The following ATF7IP2 variants were observed in gnomAD, a reference collection of about 807,000 sequenced individuals.
ATF7IP2 encodes activating transcription factor 7-interacting protein 2.
Under a neutral mutation model 64.2 loss-of-function variants are expected in ATF7IP2, and 42 were observed. The observed-to-expected ratio is 0.65, with a 90% CI of 0.51 to 0.85. The LOEUF (loss-of-function observed/expected upper bound fraction) is 0.85, where lower values mean the gene tolerates loss of function less well. Among genes scored for constraint, ATF7IP2 ranks in the 40% least tolerant of loss-of-function variants. The probability of loss-of-function intolerance (pLI) is 0.00; values close to 1 mark genes in which losing one functional copy is unlikely to be tolerated. For missense variants in ATF7IP2, 933 were observed against 784.2 expected (o/e 1.19, Z -2.27); for synonymous variants, 308 against 272.8 (o/e 1.13, Z -1.27).
At chr16:10,443,597 T>C (rs2048703631) in intron 8 of ATF7IP2, among the ~76,000 whole-genome samples, 1 of 152,254 alleles carries the variant, frequency 6.6e-6, no homozygotes, top group Non-Finnish European at 1.5e-5. Flanking sequence ...AAAGTCTGTT[T>C]TAAATCTTTT....
At chr16:10,450,260 A>G (rs938970806) in intron 8 of ATF7IP2, among the ~76,000 whole-genome samples, 1 of 152,122 alleles carries the variant, frequency 6.6e-6, no homozygotes, top group Admixed American at 6.5e-5. Context: ...TAGAATAAGT[A>G]TGATGAGGTG....
In ATF7IP2 at chr16:10,430,930, C is replaced by A; in HGVS notation, c.310C>A (p.His104Asn). The change falls in exon 5 of 14, where the codon CAT becomes AAT. Residue 104 changes from histidine to asparagine, a missense_variant. Coordinates refer to ENST00000562102, the MANE Select transcript of ATF7IP2 (RefSeq NM_001393719.1). ...CATAAAACCAGTAGAAGAAATTGTTCATTCAGAAACAAAATTGGAACAAGT... is the reference window on the plus strand; with the variant it reads ...CATAAAACCAGTAGAAGAAATTGTTAATTCAGAAACAAAATTGGAACAAGT... ...NCIKPVEEIV[H>N]SETKLEQVVC... is the part of the protein sequence containing the mutation. 6.2e-7 allele frequency: 1 copy of A among 1,613,924 alleles called. No homozygotes were observed. The highest frequency in any genetic ancestry group is 1.1e-5 in the South Asian group (1 of 91,030).
At chr16:10,473,573 A>G in intron 11 of ATF7IP2, 39 bp downstream of exon 11, 1 of 1,381,238 alleles carries the variant, frequency 7.2e-7, no homozygotes, top group East Asian at 2.3e-5. Flanking sequence ...TGTTTATTTA[A>G]ATATGTTAGT....
chr16:10,468,089 A>G (rs1034756922), intron 9 of ATF7IP2, among the ~76,000 whole-genome samples: 1 of 151,104 alleles, frequency 6.6e-6, no homozygotes. Flanking sequence ...CATGTTGGTC[A>G]GGCTGGTCTC....
chr16:10,400,433 A>G (rs2047505784), intron 1 of ATF7IP2, among the ~76,000 whole-genome samples: 1 of 152,224 alleles, frequency 6.6e-6, no homozygotes, highest in South Asian at 2.1e-4. Context: ...ATAAGATCAT[A>G]TATCATCAGC....
intron 12 of ATF7IP2, among the ~76,000 whole-genome samples, chr16:10,476,309 A>T (rs191782659): frequency 6.6e-6 from 1 of 152,374 alleles, no homozygotes; most frequent in East Asian, 1.9e-4. Context: ...AAAGAAAAAT[A>T]TAAGTAAAAG....
intron 1 of ATF7IP2, among the ~76,000 whole-genome samples, chr16:10,392,056 CTTT>C (rs369793123): frequency 3.2e-5 from 4 of 126,090 alleles, no homozygotes; most frequent in Admixed American, 1.7e-4. Context: ...GTTGTATTAT[CTTT>C]TTTTTTTTTT....
At chr16:10,390,603 A>G (rs957624628) in intron 1 of ATF7IP2, among the ~76,000 whole-genome samples, 12 of 152,134 alleles carry the variant, frequency 7.9e-5, no homozygotes, top group African/African-American at 2.9e-4. Flanking sequence ...GTAACATTAC[A>G]CAGGACCCTG....
chr16:10,474,023 A>G (rs769057076), intron 12 of ATF7IP2, 34 bp downstream of exon 12: 114 of 1,424,408 alleles, frequency 8.0e-5, no homozygotes, highest in Non-Finnish European at 1.1e-4. Context: ...CTTTTGTAAA[A>G]AGGAGGGAAG....
rs146946182 is a variant in ATF7IP2, at chr16:10,465,467, C to T, written c.1353-6643C>T. On this transcript the variant is annotated intron_variant, in intron 9 of 13. Transcript: ENST00000562102. ...TGTGGTTCATTAAAAAAGAGCTGGGCCGGGCACAGTGACTCACGCCTGTAA... is the reference window on the plus strand; with the variant it reads ...TGTGGTTCATTAAAAAAGAGCTGGGTCGGGCACAGTGACTCACGCCTGTAA... 2.4e-3 allele frequency among the ~76,000 whole-genome samples: 359 copies of T among 151,858 alleles called. 1 individual carries two copies. The highest frequency in any genetic ancestry group is 8.2e-3 in the African/African-American group (341 of 41,386).
chr16:10,409,049 C>T lies in ATF7IP2; in HGVS notation c.-241-5525C>T, dbSNP rs544013164. Among the ~76,000 whole-genome samples, 4 of 152,340 alleles carry T rather than the reference C, an allele frequency of 2.6e-5. No homozygotes were observed. The South Asian group carries it at 8.3e-4, about 32-fold the overall frequency. ...TGTCATTCACGATCACAAGAGCACA[C>T]TGAACAAAGGAGAGAAAGGGTTATT... On this transcript the variant is annotated intron_variant, in intron 1 of 13. Coordinates refer to ENST00000562102, the MANE Select transcript of ATF7IP2 (RefSeq NM_001393719.1).
At chr16:10,399,960 G>A (rs757937533) in intron 1 of ATF7IP2, among the ~76,000 whole-genome samples, 1 of 152,158 alleles carries the variant, frequency 6.6e-6, no homozygotes, top group Non-Finnish European at 1.5e-5. Flanking sequence ...TATGGTAAAT[G>A]GGATTGCCTT....
intron 1 of ATF7IP2, among the ~76,000 whole-genome samples, chr16:10,409,102 A>G (rs1013840818): frequency 3.9e-5 from 6 of 152,230 alleles, no homozygotes; most frequent in East Asian, 1.9e-4. Context: ...ATCTGTGTCA[A>G]TCTCCCATGG....
chr16:10,453,976 A>C (rs1042585446), intron 8 of ATF7IP2: 2 of 149,572 alleles, frequency 1.3e-5, no homozygotes, highest in South Asian at 4.3e-4. Context: ...TTACTTGAAA[A>C]TCCAATTCTT....
chr16:10,407,905 A>G (rs1015719625), intron 1 of ATF7IP2, among the ~76,000 whole-genome samples: 1 of 148,176 alleles, frequency 6.7e-6, no homozygotes, highest in Non-Finnish European at 1.5e-5. Context: ...CTCTTGAGTT[A>G]CTTCTTTCTT....
At position 10,431,050 on chromosome 16, in the gene ATF7IP2, G is replaced by T; in HGVS notation, c.430G>T (p.Asp144Tyr). Residue 144 changes from aspartate (D) to tyrosine (Y), a missense_variant, in exon 5 of 14, where the codon GAT (aspartate) becomes TAT (tyrosine). Coordinates refer to ENST00000562102, the MANE Select transcript of ATF7IP2 (RefSeq NM_001393719.1). ...AGATTCACTGAACACTTCTGAAAACGATTCTGAGCATCAGACAAATGTAAC... is the reference window on the plus strand; with the variant it reads ...AGATTCACTGAACACTTCTGAAAACTATTCTGAGCATCAGACAAATGTAAC... Reference protein sequence around the residue: ...AKDSLNTSENDSEHQTNVTRS... With the variant: ...AKDSLNTSENYSEHQTNVTRS... 1 of 1,614,084 alleles carries T rather than the reference G, an allele frequency of 6.2e-7. No individual in the cohort carries two copies. The highest frequency in any genetic ancestry group is 8.5e-7 in the Non-Finnish European group (1 of 1,180,026).
At chr16:10,480,107 C>T (rs1005041035) in intron 12 of ATF7IP2, among the ~76,000 whole-genome samples, 1 of 151,324 alleles carries the variant, frequency 6.6e-6, no homozygotes, top group Non-Finnish European at 1.5e-5. Context: ...TCTGTCTCAG[C>T]CTCCCGAGTA....
chr16:10,483,240 G>C lies in ATF7IP2; in HGVS notation c.*991G>C, dbSNP rs2050302703. The C allele has an allele frequency of 6.6e-6, 1 of 152,140 alleles. No individual in the cohort carries two copies. Among genetic ancestry groups the C allele is most frequent in the Non-Finnish European group, 1.5e-5 (1 of 68,030 alleles). The allele number at this position is 152,140 out of a possible 1,614,324, so 9.4% of individuals were successfully genotyped here. ...ATCTTATGAAAGCATTACCCAACCTGTTTGAGTTGAGAATGCATTTGTCCA... is the reference window on the plus strand; with the variant it reads ...ATCTTATGAAAGCATTACCCAACCTCTTTGAGTTGAGAATGCATTTGTCCA... On this transcript the variant is annotated 3_prime_UTR_variant, in exon 14 of 14. Coordinates refer to ENST00000562102, the MANE Select transcript of ATF7IP2 (RefSeq NM_001393719.1).
At chr16:10,397,225 G>C (rs902860393) in intron 1 of ATF7IP2, among the ~76,000 whole-genome samples, 3 of 152,102 alleles carry the variant, frequency 2.0e-5, no homozygotes, top group Non-Finnish European at 4.4e-5. Flanking sequence ...TTTGTTTACT[G>C]TAGCTTTGTG....
Sources: gnomAD v4.1 joint callset for allele counts (sites outside exome capture counted in the v4.1 genomes callset) on GRCh38, gnomAD v4.1.1 for gene constraint, MANE v1.5 for transcripts, NCBI Gene and HGNC (gene_info 2026-07-23, HGNC 2026-07-21) for gene names.